The following RALGPS2 variants were observed in gnomAD, a reference collection of about 807,000 sequenced individuals.
RALGPS2 encodes the protein Ral GEF with PH domain and SH3 binding motif 2, also known as ras-specific guanine nucleotide-releasing factor RalGPS2.
A neutral mutation model predicts 86.8 loss-of-function variants in RALGPS2; 43 were observed. The observed-to-expected ratio is 0.50, with a 90% CI of 0.39 to 0.64. The LOEUF is 0.64. Among genes scored for constraint, RALGPS2 ranks in the 30% least tolerant of loss-of-function variants. RALGPS2 has a pLI of 0.00. For missense variants in RALGPS2, 536 were observed against 694.6 expected, an observed-to-expected ratio of 0.77 and a Z score of 2.57; for synonymous variants, 243 against 231.3, an observed-to-expected ratio of 1.05 and a Z score of -0.46.
At chr1:178,812,800 C>T (rs934843447) in intron 6 of RALGPS2, among the ~76,000 whole-genome samples, 3 of 152,062 alleles carry the variant, frequency 2.0e-5, no homozygotes, top group African/African-American at 7.2e-5. Context: ...TCCTTAAGAA[C>T]ATGGGAGCAA....
At chr1:178,754,264 C>T (rs1651841160) in intron 1 of RALGPS2, among the ~76,000 whole-genome samples, 1 of 151,016 alleles carries the variant, frequency 6.6e-6, no homozygotes, top group Non-Finnish European at 1.5e-5. Flanking sequence ...TAATTACATA[C>T]ACTATATAAT....
At chr1:178,741,231 G>C (rs375620147) in intron 1 of RALGPS2, among the ~76,000 whole-genome samples, 3 of 152,126 alleles carry the variant, frequency 2.0e-5, no homozygotes, top group Admixed American at 6.5e-5. Flanking sequence ...GGTGTTCTAA[G>C]CATTTTACCT....
chr1:178,804,397 A>G (rs1654634608), intron 4 of RALGPS2, among the ~76,000 whole-genome samples: 1 of 140,932 alleles, frequency 7.1e-6, no homozygotes, highest in African/African-American at 2.6e-5. Flanking sequence ...ATCTAGCATT[A>G]GGTATATCTC....
At chr1:178,912,675 A>G (rs958472163) in intron 19 of RALGPS2, among the ~76,000 whole-genome samples, 1 of 152,042 alleles carries the variant, frequency 6.6e-6, no homozygotes, top group Non-Finnish European at 1.5e-5. Context: ...CTCATCTTGT[A>G]TAGTATCTTG....
chr1:178,747,632 T>C, intron 1 of RALGPS2: 1 of 1,561,540 alleles, frequency 6.4e-7, no homozygotes, highest in Non-Finnish European at 8.8e-7. Context: ...TCAACTAAGC[T>C]GGCATTAATA....
intron 1 of RALGPS2, among the ~76,000 whole-genome samples, chr1:178,727,523 A>T (rs1650094156): frequency 6.6e-6 from 1 of 152,264 alleles, no homozygotes; most frequent in Non-Finnish European, 1.5e-5. Flanking sequence ...AATATTTATT[A>T]GTAATACTAG....
chr1:178,755,310 GTAGT>G (rs1651893249), intron 1 of RALGPS2, among the ~76,000 whole-genome samples: 1 of 152,100 alleles, frequency 6.6e-6, no homozygotes, highest in East Asian at 1.9e-4. Context: ...ATGTTACCTA[GTAGT>G]TAGTTTTTCA....
At position 178,725,264 on chromosome 1, in the gene RALGPS2, A is replaced by AGTG; in HGVS notation, c.-238_-237insTGG. The AGTG allele has an allele frequency of 5.4e-5, 2 of 37,298 alleles. No homozygotes were observed. Among genetic ancestry groups the AGTG allele is most frequent in the Non-Finnish European group, 5.4e-5 (1 of 18,422 alleles). 2.3% of individuals were successfully genotyped at this position (37,298 alleles called of 1,614,324 possible). The stretch of plus-strand genomic sequence containing the variant: ...AGCTCACTCTCCTCCCCCGAGCGGC[A>AGTG]GCGGCGGCGGCGGCGGCGGCTGCTG... On this transcript the variant is annotated 5_prime_UTR_variant, in exon 1 of 20. Transcript: ENST00000367635.
At chr1:178,736,049 G>A (rs546073180) in intron 1 of RALGPS2, among the ~76,000 whole-genome samples, 1 of 152,054 alleles carries the variant, frequency 6.6e-6, no homozygotes, top group South Asian at 2.1e-4. Flanking sequence ...TTGCATACTC[G>A]CTTATGGTGT....
At chr1:178,865,853 A>T (rs1352733374) in intron 8 of RALGPS2, 1 of 1,132,666 alleles carries the variant, frequency 8.8e-7, no homozygotes, top group Non-Finnish European at 1.2e-6. Flanking sequence ...AATTCATATT[A>T]ATCTATGTTA....
At chr1:178,780,402 T>C (rs1203327033) in intron 2 of RALGPS2, among the ~76,000 whole-genome samples, 1 of 152,204 alleles carries the variant, frequency 6.6e-6, no homozygotes, top group Admixed American at 6.5e-5. Context: ...GGTGTTGCAC[T>C]TATATTTTCT....
At chr1:178,901,702 ACT>A (rs1409804419) in intron 17 of RALGPS2, among the ~76,000 whole-genome samples, 2 of 151,672 alleles carry the variant, frequency 1.3e-5, no homozygotes, top group African/African-American at 4.8e-5. Flanking sequence ...AAAAAAAAGA[ACT>A]CTCTGATAGC....
intron 18 of RALGPS2, among the ~76,000 whole-genome samples, chr1:178,905,728 T>C (rs907018144): frequency 2.0e-5 from 3 of 152,218 alleles, no homozygotes; most frequent in Admixed American, 6.5e-5. Flanking sequence ...CTATAGTACA[T>C]GGATCCTTTC....
intron 17 of RALGPS2, among the ~76,000 whole-genome samples, chr1:178,900,703 A>G (rs113344082): frequency 3.0e-4 from 46 of 152,122 alleles, no homozygotes; most frequent in African/African-American, 1.1e-3. Flanking sequence ...GTGTAAATAT[A>G]TCCCCCATTA....
intron 1 of RALGPS2, among the ~76,000 whole-genome samples, chr1:178,746,472 C>G (rs1279895177): frequency 6.6e-6 from 1 of 152,132 alleles, no homozygotes; most frequent in Non-Finnish European, 1.5e-5. Flanking sequence ...GCATTATAAA[C>G]ACTTAACATC....
intron 10 of RALGPS2, among the ~76,000 whole-genome samples, chr1:178,881,295 T>C (rs1659234805): frequency 6.6e-6 from 1 of 152,128 alleles, no homozygotes; most frequent in Non-Finnish European, 1.5e-5. Flanking sequence ...GGCTGAATCT[T>C]AACAGGTGAG....
chr1:178,823,548 A>G (rs1007781037), intron 7 of RALGPS2, among the ~76,000 whole-genome samples: 10 of 152,232 alleles, frequency 6.6e-5, no homozygotes, highest in African/African-American at 2.4e-4. Flanking sequence ...GGAGGAATTG[A>G]GGGAACCATT....
At chr1:178,877,370 A>C in intron 8 of RALGPS2, 128 bp from the exon 9 acceptor site, 1 of 1,366,128 alleles carries the variant, frequency 7.3e-7, no homozygotes, top group Non-Finnish European at 9.7e-7. Context: ...TCAGTGTATT[A>C]ATAGCAATAT....
rs1300274657 is a variant in RALGPS2, at chr1:178,786,193, A to G, written c.213+586A>G. ...TGGAAGAAAATCCGTGTATAAGTAG[A>G]CCCATGTGTTGTTTACAGGTCAGCT... On this transcript the variant is annotated intron_variant, in intron 4 of 19. Transcript: ENST00000367635. Among the ~76,000 whole-genome samples, 5 of 151,902 alleles carry G rather than the reference A, an allele frequency of 3.3e-5. No individual in the cohort carries two copies. In the East Asian group the frequency reaches 9.6e-4, roughly 29 times the overall value.
Sources: allele counts gnomAD v4.1 joint callset (sites outside exome capture counted in the v4.1 genomes callset), GRCh38; gene constraint gnomAD v4.1.1; transcripts MANE v1.5; gene names NCBI Gene and HGNC (gene_info 2026-07-23, HGNC 2026-07-21).